The following ATP1A3 variants were observed in gnomAD, a reference collection of about 807,000 sequenced individuals.
ATP1A3 encodes the protein sodium/potassium-transporting ATPase subunit alpha-3.
Under a neutral mutation model 108.8 loss-of-function variants are expected in ATP1A3, and 12 were observed. The observed-to-expected ratio is 0.11, with a 90% confidence interval of 0.07 to 0.18. The LOEUF is 0.18. Among genes scored for constraint, ATP1A3 ranks in the 10% least tolerant of loss-of-function variants. The probability of loss-of-function intolerance (pLI) is 1.00; values close to 1 mark genes in which losing one functional copy is unlikely to be tolerated. For synonymous variants in ATP1A3, 539 were observed against 564.5 expected (o/e 0.95, Z 0.64); for missense variants, 498 against 1,387.7 (o/e 0.36, Z 10.19).
At chr19:41,976,837 C>A (rs2075176251) in intron 14 of ATP1A3, among the ~76,000 whole-genome samples, 1 of 151,948 alleles carries the variant, frequency 6.6e-6, no homozygotes, top group South Asian at 2.1e-4. Flanking sequence ...TGGAGTCTCG[C>A]TCTGTCACCC....
rs782252583 is a variant in ATP1A3 at position 41,991,200 on chromosome 19, G to A, written c.7-2638C>T. ...GCAGGCCCAGGGCCAAGCTGGGATC[G>A]GAGGCTCAGCGCGGCTCAGCGCTAA... On this transcript the variant is annotated intron_variant, in intron 1 of 22. Transcript: ENST00000648268. 2.0e-5 allele frequency among the ~76,000 whole-genome samples: 3 copies of A among 152,238 alleles called. No homozygotes were observed. In the South Asian group the frequency reaches 6.2e-4, roughly 31 times the overall value.
chr19:41,993,193 C>T (rs1372453202), intron 1 of ATP1A3: 3 of 473,928 alleles, frequency 6.3e-6, no homozygotes, highest in Non-Finnish European at 1.2e-5. Flanking sequence ...CCCTTCAGCC[C>T]CGCCCCAGAC....
chr19:41,980,987 T>TGCTGTA (rs2075224841), intron 11 of ATP1A3, among the ~76,000 whole-genome samples: 1 of 150,718 alleles, frequency 6.6e-6, no homozygotes, highest in African/African-American at 2.4e-5. Flanking sequence ...TCCCACTCTC[T>TGCTGTA]GCTGTAGGAA....
In ATP1A3 at chr19:41,967,406, T is replaced by C; in HGVS notation, c.2922-66A>G. 1.3e-6 allele frequency: 2 copies of C among 1,535,334 alleles called. No individual in the cohort carries two copies. The highest frequency in any genetic ancestry group is 8.9e-7 in the Non-Finnish European group (1 of 1,126,574). ...AACGAGAGGCAGAGTTTCAGGGGAC[T>C]GGAGGGGACGCAGAGGGGCAGTCTC... On this transcript the variant is annotated intron_variant, in intron 21 of 22. Transcript: ENST00000648268. This position sits in a 1 kb window ranked among gnomAD's most constrained non-coding sequence, Gnocchi z 4.2.
At position 41,985,826 on chromosome 19, in the gene ATP1A3, C is replaced by G. The variant is rs782286062; in HGVS notation, c.606+38G>C. ...GCTGGGCCTGAGCTCCTGGGCAGCC[C>G]GAGGGAGGGTAAAGCCGGGCCCTAG... On this transcript the variant is annotated intron_variant, in intron 6 of 22. Coordinates refer to ENST00000648268, the MANE Select transcript of ATP1A3 (RefSeq NM_152296.5). The surrounding 1 kb of genome is among the most constrained non-coding windows in gnomAD (Gnocchi z 8.2). 7 of 1,611,162 alleles carry G rather than the reference C, an allele frequency of 4.3e-6. No homozygotes were observed. In the Admixed American group the frequency reaches 1.2e-4, roughly 27 times the overall value.
At chr19:41,974,144 T>C (rs1555860496) in intron 16 of ATP1A3, among the ~76,000 whole-genome samples, 1 of 152,104 alleles carries the variant, frequency 6.6e-6, no homozygotes, top group African/African-American at 2.4e-5. Context: ...AGCAGGAGAA[T>C]TGCTTGAACC....
At chr19:41,993,185 CTT>C in intron 1 of ATP1A3, 1 of 474,312 alleles carries the variant, frequency 2.1e-6, no homozygotes, top group Admixed American at 3.1e-5. Flanking sequence ...TTCCCCCTCC[CTT>C]CAGCCCCGCC....
Position 41,975,891 on chromosome 19 carries a change from C to T in ATP1A3, c.2095-94G>A. The T allele has an allele frequency of 2.6e-6, 4 of 1,544,178 alleles. No individual in the cohort carries two copies. The South Asian group carries it at 4.5e-5, about 17-fold the overall frequency. The stretch of plus-strand genomic sequence containing the variant: ...AGCCCAGGACCCCAGCCCCCTCCTC[C>T]TTCAGACCTAGAAGTTCAGGTCCCC... On this transcript the variant is annotated intron_variant, in intron 15 of 22. Transcript: ENST00000648268.
chr19:41,970,826 G>A (rs1234173523), intron 16 of ATP1A3, among the ~76,000 whole-genome samples: 1 of 151,248 alleles, frequency 6.6e-6, no homozygotes, highest in Non-Finnish European at 1.5e-5. Flanking sequence ...TAGAGACGGG[G>A]TTTCACTGTG....
chr19:41,986,673 C>T (rs985118952), intron 4 of ATP1A3: 1 of 200,496 alleles, frequency 5.0e-6, no homozygotes, highest in African/African-American at 2.4e-5. Flanking sequence ...GATCTCCTGA[C>T]CTTGTGATCT....
rs532404130 is a variant in ATP1A3, at chr19:41,974,566, C to T, written c.2263+1063G>A. On this transcript the variant is annotated intron_variant, in intron 16 of 22. Coordinates refer to ENST00000648268, the MANE Select transcript of ATP1A3 (RefSeq NM_152296.5). The stretch of plus-strand genomic sequence containing the variant: ...TCTGTTACTCTGGGCTCGGCTTTGC[C>T]GTTTGAATTCTCTTTTACCATGAAC... Among the ~76,000 whole-genome samples, 55 of 152,252 alleles carry T rather than the reference C, an allele frequency of 3.6e-4. 1 individual carries two copies. The highest frequency in any genetic ancestry group is 6.8e-3 in the Middle Eastern group (2 of 294).
In ATP1A3 at chr19:41,985,052, C is replaced by T; in HGVS notation, c.859G>A (p.Gly287Ser). The change falls in exon 8 of 23, where the codon GGC (glycine) becomes AGC (serine). Residue 287 changes from glycine to serine, a missense_variant. Coordinates refer to ENST00000648268, the MANE Select transcript of ATP1A3 (RefSeq NM_152296.5). The surrounding 1 kb of genome is among the most constrained non-coding windows in gnomAD (Gnocchi z 8.2). ...EIEHFIQLIT[G>S]VAVFLGVSFF... ...GAGACACCCAGGAAGACAGCCACGC[C>T]GGTGATGAGCTGGATGAAGTGCTCA... 5 of 1,613,886 alleles carry T rather than the reference C, an allele frequency of 3.1e-6. No individual in the cohort carries two copies. Among genetic ancestry groups the T allele is most frequent in the Non-Finnish European group, 4.2e-6 (5 of 1,179,902 alleles).
chr19:41,970,156 G>T, intron 18 of ATP1A3, 29 bp downstream of exon 18: 1 of 1,614,216 alleles, frequency 6.2e-7, no homozygotes, highest in Non-Finnish European at 8.5e-7. Context: ...GCACTGGGTG[G>T]TAAGGAGATG....
intron 16 of ATP1A3, among the ~76,000 whole-genome samples, chr19:41,973,418 G>C (rs566033310): frequency 6.6e-6 from 1 of 152,128 alleles, no homozygotes; most frequent in South Asian, 2.1e-4. Context: ...ACCACGCCCT[G>C]CTAATTTTTA....
rs2075366440 is a variant in ATP1A3, at chr19:41,994,228, G to A, written c.-152C>T. 2.9e-6 allele frequency: 2 copies of A among 689,572 alleles called. No homozygotes were observed. The highest frequency in any genetic ancestry group is 2.7e-5 in the South Asian group (1 of 37,366). The allele number at this position is 689,572 out of a possible 1,614,324, so 42.7% of individuals were successfully genotyped here. A position where few individuals can be genotyped will look rare whatever the true frequency, so the allele number is the denominator to read the frequency against. On this transcript the variant is annotated 5_prime_UTR_variant, in exon 1 of 23. Coordinates refer to ENST00000648268, the MANE Select transcript of ATP1A3 (RefSeq NM_152296.5). ...CGTCCGTTGGTCCCACCGCACAGAG[G>A]CTGCGGCGGCCGCCGCCTCCGCCTC...
chr19:41,988,319 T>C lies in ATP1A3; in HGVS notation c.152A>G (p.Gln51Arg). The change falls in exon 3 of 23, where the codon CAG (glutamine) becomes CGG (arginine). Residue 51 changes from glutamine (Q) to arginine (R), a missense_variant and splice_region_variant. Physicochemically the swap from Gln to Arg is conservative, Grantham distance 43 (BLOSUM62 1). Transcript: ENST00000648268. This position sits in a 1 kb window ranked among gnomAD's most constrained non-coding sequence, Gnocchi z 5.3. ...TCCCAGCCCACAGCCTGGCCACACC[T>C]GCACACAGTCTGTGTTGTATTTCCG... is the stretch of plus-strand genomic sequence containing the variant. ...VCRKYNTDCV[Q>R]GLTHSKAQEI... The C allele has an allele frequency of 6.2e-7, 1 of 1,614,104 alleles. No individual in the cohort carries two copies. The highest frequency in any genetic ancestry group is 8.5e-7 in the Non-Finnish European group (1 of 1,179,966).
In ATP1A3 at chr19:41,985,317, T is replaced by C. The variant is rs782467046; in HGVS notation, c.713A>G (p.Asn238Ser). 1.2e-6 allele frequency: 2 copies of C among 1,614,028 alleles called. No individual in the cohort carries two copies. The highest frequency in any genetic ancestry group is 1.7e-6 in the Non-Finnish European group (2 of 1,179,894). The change falls in exon 7 of 23, where the codon AAC becomes AGC. Residue 238 changes from asparagine (N) to serine (S), a missense_variant. Physicochemically the swap from Asn to Ser is conservative, Grantham distance 46 (BLOSUM62 1). This residue lies in a region of ATP1A3 where 127 missense variants were observed against 464.0 expected (regional missense o/e 0.27). Coordinates refer to ENST00000648268, the MANE Select transcript of ATP1A3 (RefSeq NM_152296.5). The surrounding 1 kb of genome is among the most constrained non-coding windows in gnomAD (Gnocchi z 8.2). ...ETRNITFFST[N>S]CVEGTARGVV... Reference sequence around the variant, plus strand: ...TGCACCCGCCTCACCTTCCACACAGTTGGTGGAAAAGAAGGTGATGTTCCG... The same window carrying C: ...TGCACCCGCCTCACCTTCCACACAGCTGGTGGAAAAGAAGGTGATGTTCCG...
rs1388043363 is a variant in ATP1A3, at chr19:41,968,041, GAGAC to G, written c.2820-282_2820-279del. Among the ~76,000 whole-genome samples, 2 of 17,640 alleles carry G rather than the reference GAGAC, an allele frequency of 1.1e-4. No individual in the cohort carries two copies. The allele number at this position is 17,640 out of a possible 152,430, so 11.6% of individuals were successfully genotyped here. ...ACAGAGACAGACAGGGACAGACAGAGAGACAGACACAGGGACAGACACAGAGACA... is the reference window on the plus strand; with the variant it reads ...ACAGAGACAGACAGGGACAGACAGAGAGACACAGGGACAGACACAGAGACA... On this transcript the variant is annotated intron_variant, in intron 20 of 22. Transcript: ENST00000648268. The surrounding 1 kb of genome is among the most constrained non-coding windows in gnomAD (Gnocchi z 5.0).
Position 41,975,847 on chromosome 19 carries a change from C to T in ATP1A3, c.2095-50G>A, listed in dbSNP as rs377292785. On this transcript the variant is annotated intron_variant, in intron 15 of 22. Coordinates refer to ENST00000648268, the MANE Select transcript of ATP1A3 (RefSeq NM_152296.5). The stretch of plus-strand genomic sequence containing the variant: ...ACACCCAGAGGCCAGTCCCCAGAGT[C>T]CCCTCCCTCAGATCCAGAAGCCCAG... The T allele has an allele frequency of 3.1e-6, 5 of 1,611,954 alleles. No individual in the cohort carries two copies. The African/African-American group carries it at 5.3e-5, about 17-fold the overall frequency.
Sources: gnomAD v4.1 joint callset for allele counts (sites outside exome capture counted in the v4.1 genomes callset) on GRCh38, gnomAD v4.1.1 for gene constraint, gnomAD v4.1.1 regional missense constraint, Gnocchi (gnomAD v3.1) non-coding constraint, MANE v1.5 for transcripts, NCBI Gene and HGNC (gene_info 2026-07-23, HGNC 2026-07-21) for gene names.